The following GABRB1 variants were observed in gnomAD, a reference collection of about 807,000 sequenced individuals.
GABRB1 encodes gamma-aminobutyric acid receptor subunit beta-1.
GABRB1 carries 17 observed loss-of-function variants against 51.6 expected under a neutral mutation model. The observed-to-expected ratio is 0.33, with a 90% confidence interval of 0.23 to 0.49. The LOEUF (loss-of-function observed/expected upper bound fraction) is 0.49. GABRB1 is among the 20% of genes least tolerant of loss of function. The pLI is 0.99. For missense variants in GABRB1, 410 were observed against 600.6 expected, an observed-to-expected ratio of 0.68 and a Z score of 3.32; for synonymous variants, 247 against 218.9, an observed-to-expected ratio of 1.13 and a Z score of -1.14.
chr4:47,078,917 G>A (rs1272197248), intron 3 of GABRB1, among the ~76,000 whole-genome samples: 1 of 152,120 alleles, frequency 6.6e-6, no homozygotes, highest in Non-Finnish European at 1.5e-5. Flanking sequence ...AAGAGGCTTG[G>A]CCATTCAATA....
chr4:47,276,729 G>A (rs1723089816), intron 4 of GABRB1, among the ~76,000 whole-genome samples: 1 of 152,010 alleles, frequency 6.6e-6, no homozygotes, highest in South Asian at 2.1e-4. Flanking sequence ...CTTAACTTTG[G>A]CACTATTGAT....
intron 3 of GABRB1, among the ~76,000 whole-genome samples, chr4:47,072,921 A>G (rs1482154493): frequency 2.0e-5 from 3 of 152,186 alleles, no homozygotes; most frequent in African/African-American, 7.2e-5. Context: ...TGACAATGTC[A>G]CCATTATTTA....
chr4:47,359,330 A>G (rs1029018426), intron 5 of GABRB1, among the ~76,000 whole-genome samples: 1 of 152,160 alleles, frequency 6.6e-6, no homozygotes, highest in South Asian at 2.1e-4. Context: ...TTCAGTGTTT[A>G]GAAAAGCTGC....
intron 3 of GABRB1, among the ~76,000 whole-genome samples, chr4:47,069,692 C>T (rs1273558958): frequency 6.6e-6 from 1 of 152,182 alleles, no homozygotes; most frequent in Non-Finnish European, 1.5e-5. Context: ...CCATCAAAAT[C>T]CTCTACATTA....
chr4:47,331,311 ACT>A (rs1725471816), intron 5 of GABRB1, among the ~76,000 whole-genome samples: 1 of 152,084 alleles, frequency 6.6e-6, no homozygotes, highest in African/African-American at 2.4e-5. Flanking sequence ...GTGAAAAAGT[ACT>A]CTCTCTGAAA....
Position 47,403,717 on chromosome 4 carries a change from A to C in GABRB1, c.835+6A>C. ...TGCAGCCAGAGTCGCACTAGGTAATACATTCTCAGCACTGCAGAGAGCTAA... is the reference window on the plus strand; with the variant it reads ...TGCAGCCAGAGTCGCACTAGGTAATCCATTCTCAGCACTGCAGAGAGCTAA... On this transcript the variant is annotated splice_donor_region_variant and intron_variant, in intron 7 of 8. Transcript: ENST00000295454. 2 of 1,611,464 alleles carry C rather than the reference A, an allele frequency of 1.2e-6. No individual in the cohort carries two copies. Among genetic ancestry groups the C allele is most frequent in the Non-Finnish European group, 1.7e-6 (2 of 1,179,764 alleles).
intron 3 of GABRB1, among the ~76,000 whole-genome samples, chr4:47,065,613 C>G (rs1727043285): frequency 6.6e-6 from 1 of 152,222 alleles, no homozygotes; most frequent in Non-Finnish European, 1.5e-5. Context: ...GTTTTAAATT[C>G]TTCTTAATAT....
At chr4:47,046,665 A>G (rs1726104458) in intron 3 of GABRB1, among the ~76,000 whole-genome samples, 1 of 150,230 alleles carries the variant, frequency 6.7e-6, no homozygotes, top group Admixed American at 6.7e-5. Flanking sequence ...CTAGGTAGGA[A>G]GGTAATTGAT....
chr4:47,402,833 T>C (rs1728440769), intron 5 of GABRB1, among the ~76,000 whole-genome samples: 1 of 151,984 alleles, frequency 6.6e-6, no homozygotes, highest in South Asian at 2.1e-4. Context: ...AATATGTAGT[T>C]TTTAATGTCT....
intron 4 of GABRB1, among the ~76,000 whole-genome samples, chr4:47,268,270 C>T (rs1480592046): frequency 6.6e-6 from 1 of 152,146 alleles, no homozygotes; most frequent in African/African-American, 2.4e-5. Context: ...AGTAAACTCA[C>T]TCTGGATTTA....
At chr4:47,253,509 A>G (rs1308345318) in intron 4 of GABRB1, among the ~76,000 whole-genome samples, 2 of 152,088 alleles carry the variant, frequency 1.3e-5, no homozygotes, top group African/African-American at 4.8e-5. Context: ...TTTGTAATGC[A>G]ATTTCTCTCT....
In GABRB1 at chr4:47,425,872, G is replaced by A. The variant is rs1729273170; in HGVS notation, c.1279G>A (p.Gly427Arg). The change falls in exon 9 of 9, where the codon GGG (glycine) becomes AGG (arginine). Residue 427 changes from glycine to arginine, a missense_variant. Gly to Arg is a moderately radical substitution (Grantham distance 125). Around this residue, in one of 5 missense-constraint regions of GABRB1, gnomAD observed 181 missense variants for 195.6 expected, o/e 0.93. Transcript: ENST00000295454. ...ALDRHGVPSKGRIRRRASQLK... is the reference protein window; with the variant it reads ...ALDRHGVPSKRRIRRRASQLK... Reference sequence around the variant, plus strand: ...GGACCGGCACGGGGTACCCAGCAAGGGGCGCATCCGCAGGCGTGCCTCCCA... The same window carrying A: ...GGACCGGCACGGGGTACCCAGCAAGAGGCGCATCCGCAGGCGTGCCTCCCA... 3 of 1,614,110 alleles carry A rather than the reference G, an allele frequency of 1.9e-6. No homozygotes were observed. The East Asian group carries it at 6.7e-5, about 36-fold the overall frequency.
intron 3 of GABRB1, among the ~76,000 whole-genome samples, chr4:47,130,305 T>C (rs980439309): frequency 2.7e-5 from 4 of 149,072 alleles, no homozygotes; most frequent in Non-Finnish European, 4.4e-5. Context: ...CATTCCCCCA[T>C]AATGTCTGGG....
chr4:47,191,582 T>C (rs1483568038), intron 4 of GABRB1, among the ~76,000 whole-genome samples: 1 of 152,168 alleles, frequency 6.6e-6, no homozygotes, highest in African/African-American at 2.4e-5. Context: ...TGTGGGTTTG[T>C]TCATTAATAA....
intron 3 of GABRB1, among the ~76,000 whole-genome samples, chr4:47,134,065 G>C (rs1011692771): frequency 6.6e-6 from 1 of 152,144 alleles, no homozygotes; most frequent in Non-Finnish European, 1.5e-5. Context: ...ATTAGAGGGA[G>C]ACTGGAAACT....
At chr4:47,305,026 A>G (rs1191873891) in intron 4 of GABRB1, among the ~76,000 whole-genome samples, 1 of 152,056 alleles carries the variant, frequency 6.6e-6, no homozygotes, top group African/African-American at 2.4e-5. Context: ...AAGGACAGTC[A>G]TTTTGTTTCT....
At chr4:47,217,501 A>C (rs1341666687) in intron 4 of GABRB1, among the ~76,000 whole-genome samples, 1 of 151,750 alleles carries the variant, frequency 6.6e-6, no homozygotes, top group African/African-American at 2.4e-5. Flanking sequence ...CTACCTGTTC[A>C]TGCTTGTCTC....
chr4:46,994,292 C>G (rs994398491), intron 1 of GABRB1: 1 of 152,252 alleles, frequency 6.6e-6, no homozygotes, highest in Non-Finnish European at 1.5e-5. Flanking sequence ...CTGCTCCATC[C>G]TTTTCTGGAG....
intron 3 of GABRB1, among the ~76,000 whole-genome samples, chr4:47,057,610 T>C (rs896966253): frequency 3.9e-5 from 6 of 152,208 alleles, no homozygotes; most frequent in African/African-American, 7.2e-5. Context: ...AGCTTAGTTA[T>C]TGAGATCTGT....
Sources: gnomAD v4.1 joint callset for allele counts (sites outside exome capture counted in the v4.1 genomes callset) on GRCh38, gnomAD v4.1.1 for gene constraint, gnomAD v4.1.1 regional missense constraint, MANE v1.5 for transcripts, NCBI Gene and HGNC (gene_info 2026-07-23, HGNC 2026-07-21) for gene names.